Variants in MYO15B observed in about 807,000 individuals in gnomAD.
The protein encoded by MYO15B is myosin XVB pseudogene.
A neutral mutation model predicts 119.3 loss-of-function variants in MYO15B; 207 were observed. That is an observed-to-expected ratio of 1.73 (90% CI 1.55 to 1.95). MYO15B has a LOEUF of 1.95. Ranked by LOEUF, MYO15B falls within the 30% of genes most tolerant of loss-of-function variation. MYO15B has a pLI of 0.00. For missense variants in MYO15B, 2,264 were observed against 1,203.1 expected (o/e 1.88, Z -13.04); for synonymous variants, 966 against 498.9 (o/e 1.94, Z -12.48).
At chr17:75,590,081 C>T (rs1025936790) in exon 1 of MYO15B, 48 of 399,098 alleles carry the variant, frequency 1.2e-4, no homozygotes, top group African/African-American at 8.8e-4. Context: ...CTCCGTGGGT[C>T]CCTGAGGGAG....
intron 21 of MYO15B, among the ~76,000 whole-genome samples, chr17:75,607,615 G>A (rs551453909): frequency 7.3e-5 from 11 of 151,006 alleles, no homozygotes; most frequent in Admixed American, 4.0e-4. Flanking sequence ...CCGCCACCAC[G>A]CCCGGCTAAT....
At chr17:75,617,359 TC>T in intron 41 of MYO15B, 55 bp downstream of exon 41, 1 of 586,182 alleles carries the variant, frequency 1.7e-6, no homozygotes, top group Non-Finnish European at 3.0e-6. Context: ...GAGGCAGGGT[TC>T]GCACAGACTC....
At position 75,602,501 on chromosome 17, in the gene MYO15B, GC is replaced by G. The variant is rs1001637245; in HGVS notation, c.3652-15del. ...CCTTTCTCCACTTCCCTCCCCACCT[GC>G]ATGGTCTCTTGCAGGTTCACAAGTT... is the stretch of plus-strand genomic sequence containing the variant. On this transcript the variant is annotated splice_polypyrimidine_tract_variant and intron_variant, in intron 15 of 63. Transcript: ENST00000645453. The G allele has an allele frequency of 2.0e-5, 14 of 702,444 alleles. No individual in the cohort carries two copies. The African/African-American group carries it at 2.4e-4, about 12-fold the overall frequency. 43.5% of individuals were successfully genotyped at this position (702,444 alleles called of 1,614,324 possible).
chr17:75,597,220 G>A (rs1254682772), intron 14 of MYO15B, among the ~76,000 whole-genome samples: 1 of 152,248 alleles, frequency 6.6e-6, no homozygotes, highest in East Asian at 1.9e-4. Context: ...GGCTCATGAA[G>A]GGCTTCTGCA....
intron 23 of MYO15B, 42 bp from the exon 24 acceptor site, chr17:75,611,559 G>T: frequency 1.4e-6 from 1 of 702,322 alleles, no homozygotes; most frequent in African/African-American, 1.7e-5. Flanking sequence ...TGGTCCCTAG[G>T]CCCCTCCTGT....
rs779724912 is a variant in MYO15B at position 75,590,255 on chromosome 17, C to A, written c.2186+12C>A. The A allele has an allele frequency of 7.5e-5, 30 of 398,986 alleles. No individual in the cohort carries two copies. Among genetic ancestry groups the A allele is most frequent in the Non-Finnish European group, 1.3e-4 (29 of 226,096 alleles). The allele number at this position is 398,986 out of a possible 1,614,324, so 24.7% of individuals were successfully genotyped here. A position where few individuals can be genotyped will look rare whatever the true frequency, so the allele number is the denominator to read the frequency against. Reference sequence around the variant, plus strand: ...CTGGCGCGGTTGCGGTTAGCGGGCGCGGTGCCAAAGCTGCCATCCCCGGCT... The same window carrying A: ...CTGGCGCGGTTGCGGTTAGCGGGCGAGGTGCCAAAGCTGCCATCCCCGGCT... On this transcript the variant is annotated intron_variant, in intron 1 of 63. Coordinates refer to ENST00000645453, the Ensembl canonical transcript of MYO15B.
chr17:75,598,921 G>A (rs944723600), intron 14 of MYO15B, among the ~76,000 whole-genome samples: 3 of 152,106 alleles, frequency 2.0e-5, no homozygotes, highest in South Asian at 2.1e-4. Flanking sequence ...TTCTGAGTCC[G>A]AGGTGGGTGC....
chr17:75,590,300 C>T lies in MYO15B; in HGVS notation c.2186+57C>T, dbSNP rs139813328. 409 of 399,032 alleles carry T rather than the reference C, an allele frequency of 1.0e-3. 4 individuals are homozygous for T. In the East Asian group the frequency reaches 0.013, roughly 13 times the overall value. The allele number at this position is 399,032 out of a possible 1,614,324, so 24.7% of individuals were successfully genotyped here. Reference sequence around the variant, plus strand: ...CCGGCTCACAGCTCCTCATATCCACCCTGCCCTCATCTTTATGAATTGCGT... The same window carrying T: ...CCGGCTCACAGCTCCTCATATCCACTCTGCCCTCATCTTTATGAATTGCGT... On this transcript the variant is annotated intron_variant, in intron 1 of 63. Transcript: ENST00000645453.
intron 21 of MYO15B, among the ~76,000 whole-genome samples, chr17:75,609,408 C>T (rs1046032905): frequency 6.6e-6 from 1 of 150,858 alleles, no homozygotes; most frequent in African/African-American, 2.4e-5. Flanking sequence ...CTCCTGGTCT[C>T]AAGCAATTCT....
At chr17:75,616,762 G>T (rs2058398238) in exon 39 of MYO15B, 1 of 702,898 alleles carries the variant, frequency 1.4e-6, no homozygotes, top group African/African-American at 1.7e-5. Context: ...CGGGCCCCGT[G>T]CCTGTGCCCG....
At chr17:75,591,293 G>A (rs1598692983) in intron 4 of MYO15B, 47 bp downstream of exon 4, 1 of 699,892 alleles carries the variant, frequency 1.4e-6, no homozygotes, top group East Asian at 2.7e-5. Context: ...GCCACACTGA[G>A]GGTTGATGGG....
intron 1 of MYO15B, 32 bp from the exon 2 acceptor site, chr17:75,590,594 C>A: frequency 4.0e-6 from 1 of 247,846 alleles, no homozygotes; most frequent in Admixed American, 5.6e-5. Flanking sequence ...GCAGCCACAA[C>A]TTGTCATGCC....
intron 54 of MYO15B, 41 bp downstream of exon 54, chr17:75,623,895 G>A (rs1394190964): frequency 1.0e-5 from 7 of 702,854 alleles, no homozygotes; most frequent in Admixed American, 4.0e-5. Flanking sequence ...GCTTCTGGGG[G>A]CAGCTGGGCA....
At chr17:75,591,400 A>T in intron 4 of MYO15B, 154 bp downstream of exon 4, 1 of 618,200 alleles carries the variant, frequency 1.6e-6, no homozygotes, top group Non-Finnish European at 2.9e-6. Flanking sequence ...TGAAATCATC[A>T]CATGAGCCCC....
chr17:75,593,954 G>A (rs2056662769), intron 9 of MYO15B, among the ~76,000 whole-genome samples: 1 of 151,018 alleles, frequency 6.6e-6, no homozygotes. Flanking sequence ...GCTGGGCATG[G>A]TGGCATGTGC....
At chr17:75,610,688 G>C in intron 22 of MYO15B, 2 of 573,006 alleles carry the variant, frequency 3.5e-6, no homozygotes, top group Non-Finnish European at 6.3e-6. Context: ...CCCTCTTCCC[G>C]GTGCCCTGGC....
At position 75,613,572 on chromosome 17, in the gene MYO15B, C is replaced by T. The variant is rs2147997384; in HGVS notation, c.5146+101C>T. 6.2e-6 allele frequency: 4 copies of T among 649,546 alleles called. No individual in the cohort carries two copies. The East Asian group carries it at 1.1e-4, about 18-fold the overall frequency. 40.2% of individuals were successfully genotyped at this position (649,546 alleles called of 1,614,324 possible). Reference sequence around the variant, plus strand: ...CCTTCCTGCCCCAGTCTTCCTGCTGCCCTGTCCTCAGTGACCCTGATCCCC... The same window carrying T: ...CCTTCCTGCCCCAGTCTTCCTGCTGTCCTGTCCTCAGTGACCCTGATCCCC... On this transcript the variant is annotated intron_variant, in intron 28 of 63. Transcript: ENST00000645453.
At chr17:75,601,114 A>G (rs1471120158) in intron 14 of MYO15B, among the ~76,000 whole-genome samples, 2 of 151,748 alleles carry the variant, frequency 1.3e-5, no homozygotes, top group African/African-American at 4.8e-5. Context: ...TATGTTGGCC[A>G]GGCTGGTCTC....
At chr17:75,608,829 G>A (rs1231959840) in intron 21 of MYO15B, among the ~76,000 whole-genome samples, 1 of 152,022 alleles carries the variant, frequency 6.6e-6, no homozygotes, top group Non-Finnish European at 1.5e-5. Context: ...CGCCTCCTGG[G>A]TTCAAGCGAT....
Sources: allele counts gnomAD v4.1 joint callset (sites outside exome capture counted in the v4.1 genomes callset), GRCh38; gene constraint gnomAD v4.1.1; transcripts MANE v1.5; gene names NCBI Gene and HGNC (gene_info 2026-07-23, HGNC 2026-07-21).